The following DACH1 variants were observed in gnomAD, a reference collection of about 807,000 sequenced individuals.
The protein encoded by DACH1 is dachshund family transcription factor 1.
Under a neutral mutation model 54.2 loss-of-function variants are expected in DACH1, and 12 were observed. That is an observed-to-expected ratio of 0.22 (90% CI 0.14 to 0.36). DACH1 has a LOEUF of 0.36. DACH1 is among the 10% of genes least tolerant of loss of function. The probability of loss-of-function intolerance (pLI) is 1.00; values close to 1 mark genes in which losing one functional copy is unlikely to be tolerated. For synonymous variants in DACH1, 386 were observed against 366.2 expected, an observed-to-expected ratio of 1.05 and a Z score of -0.62; for missense variants, 805 against 929.8, an observed-to-expected ratio of 0.87 and a Z score of 1.75.
rs553841717 is a variant in DACH1 at position 71,769,659 on chromosome 13, A to G, written c.849-87749T>C. On this transcript the variant is annotated intron_variant, in intron 1 of 10. Coordinates refer to ENST00000613252, the MANE Select transcript of DACH1 (RefSeq NM_080759.6). ...ATCAGCATACCAAGATTTTAAAACC[A>G]TTGTGAAAAAGTACTCCTTATTCTG... Among the ~76,000 whole-genome samples the G allele has an allele frequency of 5.9e-5, 9 of 151,852 alleles. No homozygotes were observed. In the South Asian group the frequency reaches 1.9e-3, roughly 31 times the overall value.
At chr13:71,767,665 A>G (rs1885696597) in intron 1 of DACH1, among the ~76,000 whole-genome samples, 1 of 152,094 alleles carries the variant, frequency 6.6e-6, no homozygotes, top group Admixed American at 6.5e-5. Context: ...TATAGCAAAA[A>G]GCATGGTTGT....
intron 1 of DACH1, among the ~76,000 whole-genome samples, chr13:71,703,417 G>A (rs913419465): frequency 2.6e-5 from 4 of 152,132 alleles, no homozygotes; most frequent in African/African-American, 9.7e-5. Context: ...GAGAGCGCAT[G>A]GGTCAGCAGA....
At chr13:71,477,221 C>T (rs1486912142) in intron 8 of DACH1, among the ~76,000 whole-genome samples, 3 of 147,644 alleles carry the variant, frequency 2.0e-5, no homozygotes, top group Non-Finnish European at 3.0e-5. Flanking sequence ...CCCAGGTTCA[C>T]GCCATTCTCC....
chr13:71,538,375 C>CA lies in DACH1; in HGVS notation c.1570+18648dup, dbSNP rs892248223. Among the ~76,000 whole-genome samples, 745 of 132,550 alleles carry CA rather than the reference C, an allele frequency of 5.6e-3. 2 individuals are homozygous for CA. Among genetic ancestry groups the CA allele is most frequent in the East Asian group, 7.6e-3 (36 of 4,712 alleles). 87.0% of individuals were successfully genotyped at this position (132,550 alleles called of 152,430 possible). A position where few individuals can be genotyped will look rare whatever the true frequency, so the allele number is the denominator to read the frequency against. On this transcript the variant is annotated intron_variant, in intron 6 of 10. Transcript: ENST00000613252. ...AGTGTTTCTGATGTTTTGTTTTCCT[C>CA]AAAAAAAAAAAACACAATTACTTCA... is the stretch of plus-strand genomic sequence containing the variant.
chr13:71,444,018 T>C (rs1874231552), intron 10 of DACH1, among the ~76,000 whole-genome samples: 1 of 152,138 alleles, frequency 6.6e-6, no homozygotes. Context: ...TTTTTCTCAC[T>C]TACATTATAT....
intron 1 of DACH1, among the ~76,000 whole-genome samples, chr13:71,694,410 AGC>A: frequency 6.6e-6 from 1 of 152,334 alleles, no homozygotes; most frequent in East Asian, 1.9e-4. Flanking sequence ...GGCTGTTTCC[AGC>A]CTGCAGAGAT....
intron 1 of DACH1, among the ~76,000 whole-genome samples, chr13:71,797,616 G>A (rs974505763): frequency 6.6e-6 from 1 of 152,138 alleles, no homozygotes; most frequent in Non-Finnish European, 1.5e-5. Flanking sequence ...CAGGAACACA[G>A]AGGGGTAGTT....
At chr13:71,584,092 C>A (rs569257380) in intron 3 of DACH1, among the ~76,000 whole-genome samples, 72 of 152,262 alleles carry the variant, frequency 4.7e-4, no homozygotes, top group Non-Finnish European at 9.4e-4. Flanking sequence ...TATACAGATG[C>A]TCTCATTTAG....
chr13:71,743,273 A>G (rs1013474878), intron 1 of DACH1, among the ~76,000 whole-genome samples: 3 of 152,152 alleles, frequency 2.0e-5, no homozygotes, highest in African/African-American at 7.2e-5. Flanking sequence ...CACTCTAGAT[A>G]TGTGGAACAG....
intron 2 of DACH1, among the ~76,000 whole-genome samples, chr13:71,631,522 A>T (rs1877101054): frequency 6.6e-6 from 1 of 152,230 alleles, no homozygotes; most frequent in Non-Finnish European, 1.5e-5. Flanking sequence ...TAAGGTGTTA[A>T]AAAATAAAAT....
chr13:71,665,631 A>T (rs1879782215), intron 2 of DACH1, among the ~76,000 whole-genome samples: 1 of 152,074 alleles, frequency 6.6e-6, no homozygotes, highest in Non-Finnish European at 1.5e-5. Flanking sequence ...TGAAATTAGG[A>T]TTAAGCATGC....
At chr13:71,460,672 G>T (rs925119825) in intron 10 of DACH1, among the ~76,000 whole-genome samples, 3 of 151,486 alleles carry the variant, frequency 2.0e-5, no homozygotes, top group African/African-American at 4.9e-5. Context: ...TATATTAGTG[G>T]GTGTAAAAAG....
intron 3 of DACH1, among the ~76,000 whole-genome samples, chr13:71,596,727 G>T (rs1055305136): frequency 1.3e-5 from 2 of 152,184 alleles, no homozygotes; most frequent in African/African-American, 4.8e-5. Flanking sequence ...ACTCATGCAA[G>T]TGTGGAAGGT....
At chr13:71,569,597 T>C (rs1885083443) in intron 4 of DACH1, among the ~76,000 whole-genome samples, 1 of 152,176 alleles carries the variant, frequency 6.6e-6, no homozygotes, top group African/African-American at 2.4e-5. Context: ...CCATTTCATG[T>C]ACTGGCATTG....
At chr13:71,855,147 T>A (rs1186106502) in intron 1 of DACH1, among the ~76,000 whole-genome samples, 1 of 152,106 alleles carries the variant, frequency 6.6e-6, no homozygotes, top group Admixed American at 6.6e-5. Flanking sequence ...TTATGTTTGG[T>A]TCTTATTGGG....
intron 2 of DACH1, among the ~76,000 whole-genome samples, chr13:71,680,205 T>C (rs1455747683): frequency 1.3e-5 from 2 of 152,214 alleles, no homozygotes; most frequent in Non-Finnish European, 2.9e-5. Flanking sequence ...GCCTTGAAAT[T>C]GGGCAGTTTT....
In DACH1 at chr13:71,584,712, A is replaced by G. The variant is rs1873106269; in HGVS notation, c.1127-11700T>C. Among the ~76,000 whole-genome samples, 3 of 152,228 alleles carry G rather than the reference A, an allele frequency of 2.0e-5. No homozygotes were observed. In the South Asian group the frequency reaches 6.2e-4, roughly 32 times the overall value. The stretch of plus-strand genomic sequence containing the variant: ...ATCATTTAATTATGTGCATTTATTC[A>G]GGTTAATATTAATAAAATTTTAAAT... On this transcript the variant is annotated intron_variant, in intron 3 of 10. Transcript: ENST00000613252.
intron 1 of DACH1, among the ~76,000 whole-genome samples, chr13:71,742,949 C>A (rs949564871): frequency 1.3e-4 from 20 of 152,044 alleles, no homozygotes; most frequent in Non-Finnish European, 2.6e-4. Flanking sequence ...AAAGTTTCTC[C>A]CCTAAAGTCA....
At chr13:71,595,930 A>G (rs959548832) in intron 3 of DACH1, among the ~76,000 whole-genome samples, 22 of 152,162 alleles carry the variant, frequency 1.4e-4, no homozygotes, top group African/African-American at 5.3e-4. Context: ...TAGAAAAATG[A>G]AGTTACCAAT....
Sources: gnomAD v4.1 joint callset for allele counts (sites outside exome capture counted in the v4.1 genomes callset) on GRCh38, gnomAD v4.1.1 for gene constraint, MANE v1.5 for transcripts, NCBI Gene and HGNC (gene_info 2026-07-23, HGNC 2026-07-21) for gene names.